Variants in CDA observed in about 807,000 individuals in gnomAD.
CDA encodes the protein cytidine deaminase, also known as cytidine aminohydrolase.
In CDA, 7 loss-of-function variants were observed where a neutral mutation model predicts 15.0. The ratio of observed to expected loss-of-function variants is 0.47; its 90% CI spans 0.26 to 0.87. The LOEUF (loss-of-function observed/expected upper bound fraction) is 0.87, where lower values mean the gene tolerates loss of function less well. CDA is among the 40% of genes least tolerant of loss of function. CDA has a pLI of 0.15. For synonymous variants in CDA, 58 were observed against 73.0 expected (o/e 0.79, Z 1.05); for missense variants, 159 against 182.7 (o/e 0.87, Z 0.75).
chr1:20,597,484 G>A (rs1404382250), intron 1 of CDA, among the ~76,000 whole-genome samples: 1 of 152,176 alleles, frequency 6.6e-6, no homozygotes, highest in Non-Finnish European at 1.5e-5. Context: ...AGGCCAGGAT[G>A]CATGTTTTGG....
intron 2 of CDA, among the ~76,000 whole-genome samples, chr1:20,612,215 C>G (rs981686100): frequency 6.6e-6 from 1 of 152,068 alleles, no homozygotes; most frequent in Non-Finnish European, 1.5e-5. Flanking sequence ...CCAGGGCTTC[C>G]GAATAGCATC....
intron 2 of CDA, among the ~76,000 whole-genome samples, chr1:20,611,004 C>T (rs1440470252): frequency 6.6e-6 from 1 of 152,198 alleles, no homozygotes; most frequent in East Asian, 1.9e-4. Context: ...CTTTGGGAGG[C>T]TGAGGTGCAA....
intron 1 of CDA, among the ~76,000 whole-genome samples, chr1:20,601,066 G>C (rs2052639432): frequency 6.6e-6 from 1 of 152,154 alleles, no homozygotes; most frequent in African/African-American, 2.4e-5. Context: ...ACAAAAGGAG[G>C]ATGTATGGAT....
chr1:20,606,835 A>G (rs2052698980), intron 2 of CDA, among the ~76,000 whole-genome samples: 2 of 152,336 alleles, frequency 1.3e-5, no homozygotes, highest in Non-Finnish European at 2.9e-5. Context: ...CAGTGGTTTC[A>G]GGATCCAAGC....
intron 1 of CDA, among the ~76,000 whole-genome samples, chr1:20,603,504 C>G (rs1434505686): frequency 6.6e-6 from 1 of 152,208 alleles, no homozygotes; most frequent in Non-Finnish European, 1.5e-5. Context: ...CAAGCAACCT[C>G]CTTACCAAAA....
At chr1:20,601,102 C>G (rs1333496415) in intron 1 of CDA, among the ~76,000 whole-genome samples, 10 of 152,186 alleles carry the variant, frequency 6.6e-5, no homozygotes, top group African/African-American at 1.7e-4. Flanking sequence ...GTGGGAAGAC[C>G]TGGAGTGTAG....
intron 2 of CDA, among the ~76,000 whole-genome samples, chr1:20,613,274 G>A (rs2052770790): frequency 6.6e-6 from 1 of 151,892 alleles, no homozygotes; most frequent in African/African-American, 2.4e-5. Flanking sequence ...CACGGTCTTG[G>A]CTCACTGCAA....
intron 1 of CDA, among the ~76,000 whole-genome samples, chr1:20,603,267 C>G (rs567467209): frequency 6.6e-6 from 1 of 152,160 alleles, no homozygotes; most frequent in East Asian, 1.9e-4. Context: ...AAACAGATTC[C>G]AAGATGCAGT....
intron 2 of CDA, among the ~76,000 whole-genome samples, chr1:20,610,279 A>ATTTTAT (rs2052736093): frequency 7.4e-6 from 1 of 135,182 alleles, no homozygotes; most frequent in African/African-American, 2.7e-5. Context: ...TTTTTATTTT[A>ATTTTAT]TTTTATTTTT....
At chr1:20,611,671 G>A (rs1182341244) in intron 2 of CDA, among the ~76,000 whole-genome samples, 1 of 152,114 alleles carries the variant, frequency 6.6e-6, no homozygotes, top group African/African-American at 2.4e-5. Context: ...GAGCCACTGT[G>A]CCTGGCCAAA....
intron 1 of CDA, among the ~76,000 whole-genome samples, chr1:20,599,982 CAA>C (rs1411170300): frequency 6.6e-6 from 1 of 152,228 alleles, no homozygotes; most frequent in Admixed American, 6.5e-5. Context: ...GCCAGTTGGG[CAA>C]AGAGTCCCAG....
intron 1 of CDA, among the ~76,000 whole-genome samples, chr1:20,593,776 C>T (rs189500824): frequency 6.6e-6 from 1 of 152,252 alleles, no homozygotes; most frequent in East Asian, 1.9e-4. Context: ...GGTCTTGCTA[C>T]GTTGCCCAGG....
chr1:20,591,844 T>TG (rs200655362), intron 1 of CDA, among the ~76,000 whole-genome samples: 1 of 136,806 alleles, frequency 7.3e-6, no homozygotes. Flanking sequence ...TATGGGTTTT[T>TG]TTTTGTTTTT....
intron 2 of CDA, among the ~76,000 whole-genome samples, chr1:20,608,248 A>G (rs1570383596): frequency 6.6e-6 from 1 of 152,184 alleles, no homozygotes; most frequent in Non-Finnish European, 1.5e-5. Flanking sequence ...ATCCAGCCGC[A>G]TTATGGACCT....
intron 3 of CDA, among the ~76,000 whole-genome samples, chr1:20,617,625 C>T (rs1233886030): frequency 2.0e-5 from 3 of 152,138 alleles, no homozygotes; most frequent in East Asian, 1.9e-4. Flanking sequence ...CTTCCTCTTC[C>T]GCCATGGTTG....
chr1:20,610,292 TTTTA>T (rs2052736650), intron 2 of CDA, among the ~76,000 whole-genome samples: 1 of 146,684 alleles, frequency 6.8e-6, no homozygotes, highest in Admixed American at 6.9e-5. Context: ...TTATTTTTAT[TTTTA>T]TTTATTTATT....
At chr1:20,592,852 G>A (rs535361416) in intron 1 of CDA, among the ~76,000 whole-genome samples, 3 of 152,210 alleles carry the variant, frequency 2.0e-5, no homozygotes, top group Non-Finnish European at 4.4e-5. Flanking sequence ...CAGTGCTTTG[G>A]GAGGATGAGG....
intron 1 of CDA, 121 bp downstream of exon 1, chr1:20,589,404 C>T: frequency 1.1e-6 from 1 of 938,034 alleles, no homozygotes; most frequent in South Asian, 1.5e-5. Context: ...GTCCCTTCTT[C>T]CCCCAGTCTC....
At chr1:20,592,256 C>T (rs2052556201) in intron 1 of CDA, among the ~76,000 whole-genome samples, 1 of 152,170 alleles carries the variant, frequency 6.6e-6, no homozygotes, top group African/African-American at 2.4e-5. Context: ...GCAGCATTCA[C>T]TCTGATCGGT....
Sources: allele counts gnomAD v4.1 joint callset (sites outside exome capture counted in the v4.1 genomes callset), GRCh38; gene constraint gnomAD v4.1.1; transcripts MANE v1.5; gene names NCBI Gene and HGNC (gene_info 2026-07-23, HGNC 2026-07-21).